Variants in TSPAN15 observed in about 807,000 individuals in gnomAD.
The protein encoded by TSPAN15 is tetraspanin-15.
In TSPAN15, 20 loss-of-function variants were observed where a neutral mutation model predicts 34.5. The ratio of observed to expected loss-of-function variants is 0.58; its 90% CI spans 0.41 to 0.84. The LOEUF (loss-of-function observed/expected upper bound fraction) is 0.84, where lower values mean the gene tolerates loss of function less well. TSPAN15 is among the 40% of genes least tolerant of loss of function. TSPAN15 has a pLI of 0.00. For synonymous variants in TSPAN15, 155 were observed against 153.9 expected, an observed-to-expected ratio of 1.01 and a Z score of -0.05; for missense variants, 313 against 386.1, an observed-to-expected ratio of 0.81 and a Z score of 1.59.
At chr10:69,492,996 A>C (rs1371301660) in intron 3 of TSPAN15, among the ~76,000 whole-genome samples, 1 of 152,168 alleles carries the variant, frequency 6.6e-6, no homozygotes, top group Non-Finnish European at 1.5e-5. Context: ...CCCCATGAGT[A>C]CGTAGCTCAG....
At chr10:69,467,637 A>AACACACACACACACAC (rs36028041) in intron 1 of TSPAN15, among the ~76,000 whole-genome samples, 18 of 78,106 alleles carry the variant, frequency 2.3e-4, no homozygotes, top group African/African-American at 6.0e-4. Flanking sequence ...AAAACAAAAC[A>AACACACACACACACAC]ACACACACAC....
the TSPAN15 span, among the ~76,000 whole-genome samples, chr10:69,526,786 CAAAAAAAAAAA>C: frequency 1.6e-5 from 1 of 60,992 alleles, no homozygotes; most frequent in Non-Finnish European, 3.0e-5. Context: ...GACCCTGTCT[CAAAAAAAAAAA>C]AAAAAAAAAA....
At chr10:69,547,947 G>A in the TSPAN15 span, among the ~76,000 whole-genome samples, 1 of 152,188 alleles carries the variant, frequency 6.6e-6, no homozygotes, top group Admixed American at 6.5e-5. Context: ...TTAAGAAATG[G>A]TTGTCATTGA....
At chr10:69,526,786 CAAAAAAA>C in the TSPAN15 span, among the ~76,000 whole-genome samples, 1 of 60,980 alleles carries the variant, frequency 1.6e-5, no homozygotes, top group Non-Finnish European at 3.0e-5. Flanking sequence ...GACCCTGTCT[CAAAAAAA>C]AAAAAAAAAA....
chr10:69,503,100 T>C lies in TSPAN15; in HGVS notation c.571-1338T>C, dbSNP rs558615786. On this transcript the variant is annotated intron_variant, in intron 5 of 7. Transcript: ENST00000373290. ...TGCTCTCCAGGCCTGACCCTCTCCA[T>C]AGGGGTTGTGTTTATGGCCTGGAAG... is the stretch of plus-strand genomic sequence containing the variant. Among the ~76,000 whole-genome samples the C allele has an allele frequency of 4.6e-5, 7 of 152,206 alleles. No homozygotes were observed. In the South Asian group the frequency reaches 1.0e-3, roughly 23 times the overall value.
intron 5 of TSPAN15, among the ~76,000 whole-genome samples, chr10:69,500,863 A>G (rs2133154059): frequency 6.6e-6 from 1 of 152,278 alleles, no homozygotes. Flanking sequence ...TAGTTATTGC[A>G]GGGGGCTGAC....
chr10:69,519,731 A>G, the TSPAN15 span, among the ~76,000 whole-genome samples: 2 of 149,416 alleles, frequency 1.3e-5, no homozygotes, highest in South Asian at 4.4e-4. Flanking sequence ...CATAAAATTT[A>G]CCATTGTAAC....
the TSPAN15 span, among the ~76,000 whole-genome samples, chr10:69,546,400 C>T: frequency 6.6e-6 from 1 of 152,176 alleles, no homozygotes; most frequent in Non-Finnish European, 1.5e-5. Flanking sequence ...TTATCTCTTC[C>T]CTGATGACTC....
At chr10:69,532,384 C>T in the TSPAN15 span, among the ~76,000 whole-genome samples, 3 of 152,170 alleles carry the variant, frequency 2.0e-5, no homozygotes, top group African/African-American at 4.8e-5. Context: ...CAGATACTTA[C>T]AGCCAACTGA....
At chr10:69,471,506 A>G (rs1841504814) in intron 1 of TSPAN15, among the ~76,000 whole-genome samples, 1 of 152,134 alleles carries the variant, frequency 6.6e-6, no homozygotes, top group Non-Finnish European at 1.5e-5. Flanking sequence ...AATTTTTTAA[A>G]TGAAAAATGC....
chr10:69,486,332 G>A (rs1024894033), intron 3 of TSPAN15, among the ~76,000 whole-genome samples: 2 of 152,208 alleles, frequency 1.3e-5, no homozygotes, highest in African/African-American at 4.8e-5. Flanking sequence ...TCCACTGCCT[G>A]GCCTGTACCC....
At chr10:69,509,431 T>C (rs1842393596), downstream of TSPAN15, among the ~76,000 whole-genome samples, 1 of 116,914 alleles carries the variant, frequency 8.6e-6, no homozygotes, top group Non-Finnish European at 1.8e-5. Flanking sequence ...TGGGGTTGTT[T>C]GATTTTTTTT....
At chr10:69,459,336 A>G (rs958212703) in intron 1 of TSPAN15, among the ~76,000 whole-genome samples, 9 of 152,184 alleles carry the variant, frequency 5.9e-5, no homozygotes, top group African/African-American at 2.2e-4. Context: ...TATGAACAAG[A>G]CAGGTTTAGT....
At chr10:69,519,550 T>C in the TSPAN15 span, among the ~76,000 whole-genome samples, 1 of 152,230 alleles carries the variant, frequency 6.6e-6, no homozygotes, top group Non-Finnish European at 1.5e-5. Flanking sequence ...TCAAATGATA[T>C]TTGACTTTGT....
chr10:69,492,588 G>T (rs1470029518), intron 3 of TSPAN15, among the ~76,000 whole-genome samples: 1 of 152,202 alleles, frequency 6.6e-6, no homozygotes, highest in Non-Finnish European at 1.5e-5. Context: ...CAGATGAAAG[G>T]CCGAATTTTT....
chr10:69,517,488 G>A, the TSPAN15 span, among the ~76,000 whole-genome samples: 2 of 152,272 alleles, frequency 1.3e-5, no homozygotes, highest in African/African-American at 4.8e-5. Context: ...TGGGCAAGTC[G>A]GTGGAGGGCC....
chr10:69,506,950 C>A lies in TSPAN15; in HGVS notation c.857C>A (p.Thr286Lys). ...GAKPSVEAAG[T>K]GCCLCYPN is the part of the protein sequence containing the mutation. ...AAGCCCAGCGTGGAGGCGGCAGGCA[C>A]GGGATGCTGCTTGTGCTACCCCAAT... The change falls in exon 8 of 8, where the codon ACG becomes AAG. Residue 286 changes from threonine to lysine, a missense_variant. By Grantham distance (78) the Thr-to-Lys change is moderately conservative. Transcript: ENST00000373290. This position sits in a 1 kb window ranked among gnomAD's most constrained non-coding sequence, Gnocchi z 4.7. 6.2e-7 allele frequency: 1 copy of A among 1,609,592 alleles called. No homozygotes were observed. Among genetic ancestry groups the A allele is most frequent in the Non-Finnish European group, 8.5e-7 (1 of 1,178,708 alleles).
chr10:69,506,833 TG>T lies in TSPAN15; in HGVS notation c.745del (p.Val249CysfsTer3). On this transcript the variant is annotated frameshift_variant, in exon 8 of 8. Coordinates refer to ENST00000373290, the MANE Select transcript of TSPAN15 (RefSeq NM_012339.5). LOFTEE classifies it high-confidence loss of function. This position sits in a 1 kb window ranked among gnomAD's most constrained non-coding sequence, Gnocchi z 4.7. Reference protein sequence around the residue: ...ILLGILLPQFLGVLLTLLYIT... With the variant: ...ILLGILLPQFXGVLLTLLYIT... ...AGCCCTGCCCCTTCTTCTCAGTTCC[TG>T]GGGGTGCTGCTGACGCTGCTGTACA... 1 of 1,580,762 alleles carries T rather than the reference TG, an allele frequency of 6.3e-7. No homozygotes were observed. Among genetic ancestry groups the T allele is most frequent in the Non-Finnish European group, 8.6e-7 (1 of 1,163,298 alleles).
At chr10:69,461,216 G>T (rs527698117) in intron 1 of TSPAN15, among the ~76,000 whole-genome samples, 3 of 152,326 alleles carry the variant, frequency 2.0e-5, no homozygotes, top group Admixed American at 6.5e-5. Context: ...GGCCCTGAGC[G>T]GGGAAGTAAC....
Sources: gnomAD v4.1 joint callset for allele counts (sites outside exome capture counted in the v4.1 genomes callset) on GRCh38, gnomAD v4.1.1 for gene constraint, Gnocchi (gnomAD v3.1) non-coding constraint, MANE v1.5 for transcripts, NCBI Gene and HGNC (gene_info 2026-07-23, HGNC 2026-07-21) for gene names.